The following KCNIP4 variants were observed in gnomAD, a reference collection of about 807,000 sequenced individuals.
The protein encoded by KCNIP4 is Kv channel-interacting protein 4.
A neutral mutation model predicts 34.0 loss-of-function variants in KCNIP4; 12 were observed. That is an observed-to-expected ratio of 0.35 (90% CI 0.23 to 0.57). The LOEUF is 0.57. KCNIP4 is among the 20% of genes least tolerant of loss of function. The pLI, the probability that KCNIP4 is intolerant of heterozygous loss-of-function variation, is 0.83. For synonymous variants in KCNIP4, 124 were observed against 102.2 expected, an observed-to-expected ratio of 1.21 and a Z score of -1.29; for missense variants, 238 against 311.7, an observed-to-expected ratio of 0.76 and a Z score of 1.78.
chr4:21,655,072 G>A (rs1281833432), intron 1 of KCNIP4, among the ~76,000 whole-genome samples: 8 of 152,060 alleles, frequency 5.3e-5, no homozygotes, highest in Non-Finnish European at 5.9e-5. Context: ...GAATATCTGT[G>A]CAATGCCAAT....
intron 1 of KCNIP4, among the ~76,000 whole-genome samples, chr4:20,989,948 C>T (rs776928033): frequency 6.6e-6 from 1 of 152,132 alleles, no homozygotes; most frequent in Non-Finnish European, 1.5e-5. Context: ...CAGAATGAGA[C>T]CCTGTCTCAA....
intron 1 of KCNIP4, among the ~76,000 whole-genome samples, chr4:21,093,722 A>C (rs1334250593): frequency 6.6e-6 from 1 of 152,200 alleles, no homozygotes; most frequent in Non-Finnish European, 1.5e-5. Context: ...AGCTATAAAA[A>C]TTAGAAAATA....
intron 1 of KCNIP4, among the ~76,000 whole-genome samples, chr4:21,546,987 C>T (rs531848407): frequency 6.6e-6 from 1 of 152,264 alleles, no homozygotes; most frequent in East Asian, 1.9e-4. Flanking sequence ...ACTCCAATTT[C>T]TCTTCCTTTC....
At chr4:21,124,326 C>A (rs1750430543) in intron 1 of KCNIP4, among the ~76,000 whole-genome samples, 1 of 152,192 alleles carries the variant, frequency 6.6e-6, no homozygotes, top group South Asian at 2.1e-4. Context: ...TCTCAGAGAT[C>A]CCTGGGGGTC....
At chr4:20,972,014 A>G (rs1735002769) in intron 1 of KCNIP4, among the ~76,000 whole-genome samples, 1 of 152,194 alleles carries the variant, frequency 6.6e-6, no homozygotes, top group Non-Finnish European at 1.5e-5. Context: ...GTCCATCTAG[A>G]AGACACTACT....
At chr4:21,482,294 G>T (rs564740711) in intron 1 of KCNIP4, among the ~76,000 whole-genome samples, 1 of 152,142 alleles carries the variant, frequency 6.6e-6, no homozygotes, top group East Asian at 1.9e-4. Context: ...TTTAATTGGA[G>T]CATTTAGCCC....
rs950214646 is a variant in KCNIP4, at chr4:21,539,763, G to A, written c.61+408808C>T. 2.0e-5 allele frequency among the ~76,000 whole-genome samples: 3 copies of A among 152,152 alleles called. 1 individual carries two copies. Among genetic ancestry groups the A allele is most frequent in the Admixed American group, 6.5e-5 (1 of 15,286 alleles). ...TGGGAGGCCCAGGCAGGCGGATCCCGAGGTCAGGAGTATAAGACCAGCCTG... is the reference window on the plus strand; with the variant it reads ...TGGGAGGCCCAGGCAGGCGGATCCCAAGGTCAGGAGTATAAGACCAGCCTG... On this transcript the variant is annotated intron_variant, in intron 1 of 8. Coordinates refer to ENST00000382152, the MANE Select transcript of KCNIP4 (RefSeq NM_025221.6).
intron 1 of KCNIP4, among the ~76,000 whole-genome samples, chr4:21,729,200 A>G (rs1715412458): frequency 6.6e-6 from 1 of 152,168 alleles, no homozygotes; most frequent in Admixed American, 6.6e-5. Flanking sequence ...GTATATTTGA[A>G]TAGGAATCAT....
intron 3 of KCNIP4, among the ~76,000 whole-genome samples, chr4:20,810,459 A>AG (rs908255682): frequency 1.0e-5 from 1 of 99,720 alleles, no homozygotes; most frequent in African/African-American, 3.5e-5. Context: ...GGGGGGAGGA[A>AG]GGGGGGAGAG....
intron 1 of KCNIP4, among the ~76,000 whole-genome samples, chr4:21,536,103 C>A (rs17481500): frequency 0.36 from 54,900 of 151,920 alleles, 10,295 homozygotes; most frequent in South Asian, 0.55. Flanking sequence ...ACGTAAGAGA[C>A]AGGAAGGTTC....
chr4:21,807,416 G>A (rs1483196745), intron 1 of KCNIP4, among the ~76,000 whole-genome samples: 1 of 152,156 alleles, frequency 6.6e-6, no homozygotes, highest in Non-Finnish European at 1.5e-5. Flanking sequence ...GTTAATACAT[G>A]GCCATCTAAT....
chr4:20,898,406 A>T (rs181339166), intron 1 of KCNIP4, among the ~76,000 whole-genome samples: 1 of 152,168 alleles, frequency 6.6e-6, no homozygotes, highest in East Asian at 1.9e-4. Flanking sequence ...CACATGACTT[A>T]TTGTCCAACC....
chr4:21,416,353 T>C (rs1724953931), intron 1 of KCNIP4, among the ~76,000 whole-genome samples: 1 of 152,166 alleles, frequency 6.6e-6, no homozygotes, highest in Non-Finnish European at 1.5e-5. Context: ...TTTCACTTTG[T>C]TTTCCCTAAG....
intron 1 of KCNIP4, among the ~76,000 whole-genome samples, chr4:21,412,940 A>T (rs1251902128): frequency 1.3e-5 from 2 of 152,202 alleles, no homozygotes; most frequent in African/African-American, 4.8e-5. Flanking sequence ...TTTAGATAGG[A>T]GTGAACATGA....
intron 1 of KCNIP4, among the ~76,000 whole-genome samples, chr4:21,546,746 T>C (rs934552565): frequency 2.6e-5 from 4 of 152,066 alleles, no homozygotes; most frequent in African/African-American, 9.7e-5. Context: ...AAGTTAACCA[T>C]ATCCATGCAT....
intron 1 of KCNIP4, among the ~76,000 whole-genome samples, chr4:21,412,020 G>A (rs182070942): frequency 1.1e-3 from 172 of 152,220 alleles, no homozygotes; most frequent in Non-Finnish European, 1.9e-3. Context: ...CACGTATGGG[G>A]CACTTGACAT....
At chr4:20,731,362 C>G in intron 8 of KCNIP4, 1 of 982,632 alleles carries the variant, frequency 1.0e-6, no homozygotes, top group Non-Finnish European at 1.2e-6. Flanking sequence ...TTGTGAGCTA[C>G]TGTACCAGGC....
chr4:21,917,216 C>A (rs540220826), intron 1 of KCNIP4, among the ~76,000 whole-genome samples: 2 of 152,014 alleles, frequency 1.3e-5, no homozygotes, highest in African/African-American at 4.8e-5. Flanking sequence ...CTCACTGCAA[C>A]CTCCACCTCT....
intron 1 of KCNIP4, among the ~76,000 whole-genome samples, chr4:21,072,434 A>G (rs1237488729): frequency 1.3e-5 from 2 of 151,748 alleles, no homozygotes; most frequent in East Asian, 3.9e-4. Context: ...GGCTGCATAA[A>G]TGTCTTCTTT....
Sources: gnomAD v4.1 joint callset for allele counts (sites outside exome capture counted in the v4.1 genomes callset) on GRCh38, gnomAD v4.1.1 for gene constraint, MANE v1.5 for transcripts, NCBI Gene and HGNC (gene_info 2026-07-23, HGNC 2026-07-21) for gene names.